The following ARHGEF4 variants were observed in gnomAD, a reference collection of about 807,000 sequenced individuals.
ARHGEF4 encodes Rho guanine nucleotide exchange factor 4.
ARHGEF4 carries 119 observed loss-of-function variants against 162.0 expected under a neutral mutation model. That is an observed-to-expected ratio of 0.73 (90% CI 0.63 to 0.86). The LOEUF (loss-of-function observed/expected upper bound fraction) is 0.86, where lower values mean the gene tolerates loss of function less well. ARHGEF4 is among the 40% of genes least tolerant of loss of function. The probability of loss-of-function intolerance (pLI) is 0.00; values close to 1 mark genes in which losing one functional copy is unlikely to be tolerated. For synonymous variants in ARHGEF4, 1,014 were observed against 979.9 expected, an observed-to-expected ratio of 1.03 and a Z score of -0.65; for missense variants, 2,488 against 2,456.0, an observed-to-expected ratio of 1.01 and a Z score of -0.28.
At position 130,917,066 on chromosome 2, in the gene ARHGEF4, GTACCT is replaced by G; in HGVS notation, c.3121_3125del (p.Tyr1041ThrfsTer39). The G allele has an allele frequency of 6.4e-7, 1 of 1,550,780 alleles. No individual in the cohort carries two copies. Among genetic ancestry groups the G allele is most frequent in the Non-Finnish European group, 8.7e-7 (1 of 1,147,046 alleles). On this transcript the variant is annotated frameshift_variant, in exon 2 of 14. Coordinates refer to ENST00000409359, the MANE Select transcript of ARHGEF4 (RefSeq NM_001367493.1). LOFTEE classifies it high-confidence loss of function. Reference sequence around the variant, plus strand: ...GCACAGCCACCCAGGAAGGCGGTAGGTACCTACCTTCAGGTATCTTTCCGGAAAAG... The same window carrying G: ...GCACAGCCACCCAGGAAGGCGGTAGGACCTTCAGGTATCTTTCCGGAAAAG...
intron 4 of ARHGEF4, among the ~76,000 whole-genome samples, chr2:130,994,157 T>TA (rs1687231291): frequency 6.6e-6 from 1 of 152,220 alleles, no homozygotes; most frequent in South Asian, 2.1e-4. Flanking sequence ...TAATCCAAGA[T>TA]AATAACCTTT....
At chr2:130,977,502 A>T (rs1685824094) in intron 4 of ARHGEF4, among the ~76,000 whole-genome samples, 1 of 150,572 alleles carries the variant, frequency 6.6e-6, no homozygotes, top group African/African-American at 2.5e-5. Flanking sequence ...TGGTTTTATG[A>T]TGTGTATGTA....
chr2:130,863,865 C>CA (rs1454837965), intron 1 of ARHGEF4, among the ~76,000 whole-genome samples: 1 of 95,720 alleles, frequency 1.0e-5, no homozygotes, highest in Non-Finnish European at 2.1e-5. Context: ...CTGGCATATC[C>CA]ATAGGGTGGA....
chr2:130,869,014 C>T (rs1411018250), intron 1 of ARHGEF4, among the ~76,000 whole-genome samples: 1 of 152,232 alleles, frequency 6.6e-6, no homozygotes, highest in African/African-American at 2.4e-5. Flanking sequence ...CCATCTCATG[C>T]ACTTCATTAC....
intron 1 of ARHGEF4, among the ~76,000 whole-genome samples, chr2:130,864,959 T>C (rs925860782): frequency 2.4e-4 from 36 of 152,218 alleles, no homozygotes; most frequent in African/African-American, 8.2e-4. Context: ...CATGGCTGTG[T>C]GTTCTGGGAG....
At chr2:130,925,388 C>T (rs959745215) in intron 2 of ARHGEF4, among the ~76,000 whole-genome samples, 2 of 152,068 alleles carry the variant, frequency 1.3e-5, no homozygotes, top group Admixed American at 6.6e-5. Flanking sequence ...ATAGTCTTTT[C>T]GAGAAACAAT....
rs895476998 is a variant in ARHGEF4 at position 130,982,218 on chromosome 2, C to T, written c.3985+35583C>T. Among the ~76,000 whole-genome samples the T allele has an allele frequency of 4.6e-5, 7 of 152,110 alleles. No individual in the cohort carries two copies. In the East Asian group the frequency reaches 1.4e-3, roughly 29 times the overall value. On this transcript the variant is annotated intron_variant, in intron 4 of 13. Transcript: ENST00000409359. ...TTCACCATGTTGGCCAGGCTAATCT[C>T]GAACTCCTGACCTCAGGTGCCTCAG...
intron 1 of ARHGEF4, among the ~76,000 whole-genome samples, chr2:130,891,945 G>T (rs1029684741): frequency 1.3e-5 from 2 of 152,120 alleles, no homozygotes; most frequent in Non-Finnish European, 2.9e-5. Context: ...TACAGAAACA[G>T]GTGGCAACTG....
chr2:130,867,997 C>G (rs1682416997), intron 1 of ARHGEF4, among the ~76,000 whole-genome samples: 1 of 144,760 alleles, frequency 6.9e-6, no homozygotes, highest in Non-Finnish European at 1.5e-5. Context: ...GCCATCTCGG[C>G]TCACTGCAAG....
At chr2:130,849,054 G>A (rs1681202015) in intron 1 of ARHGEF4, among the ~76,000 whole-genome samples, 1 of 152,102 alleles carries the variant, frequency 6.6e-6, no homozygotes, top group South Asian at 2.1e-4. Context: ...GGACTCCCCT[G>A]CTGCCCCCCT....
chr2:130,916,833 A>G lies in ARHGEF4; in HGVS notation c.2887A>G (p.Ser963Gly). ...RAFLKSKDAG[S>G]PKKPTLVSLP... ...GTTTCTGAAAAGCAAAGATGCCGGA[A>G]GCCCCAAAAAGCCCACCCTAGTGAG... The change falls in exon 2 of 14, where the codon AGC becomes GGC. Residue 963 changes from serine to glycine, a missense_variant. By Grantham distance (56) the Ser-to-Gly change is moderately conservative. Coordinates refer to ENST00000409359, the MANE Select transcript of ARHGEF4 (RefSeq NM_001367493.1). 4 of 1,550,428 alleles carry G rather than the reference A, an allele frequency of 2.6e-6. No homozygotes were observed. The highest frequency in any genetic ancestry group is 3.5e-6 in the Non-Finnish European group (4 of 1,146,996).
intron 2 of ARHGEF4, among the ~76,000 whole-genome samples, chr2:130,918,010 C>G (rs565695100): frequency 6.6e-6 from 1 of 151,882 alleles, no homozygotes; most frequent in Admixed American, 6.6e-5. Flanking sequence ...TTAGTAGAGA[C>G]GGGGTTTCAC....
Position 130,914,020 on chromosome 2 carries a change from G to A in ARHGEF4, c.74G>A (p.Gly25Asp), listed in dbSNP as rs1047378223. ...PEPGAHLPGEGEIEDNQLPTS... is the reference protein window; with the variant it reads ...PEPGAHLPGEDEIEDNQLPTS... ...CCAGGTGCACACCTGCCAGGTGAAG[G>A]TGAGATTGAAGATAACCAGCTCCCC... Residue 25 changes from glycine (G) to aspartate (D), a missense_variant, in exon 2 of 14, where the codon GGT (glycine) becomes GAT (aspartate). Physicochemically the swap from Gly to Asp is moderately conservative, Grantham distance 94 (BLOSUM62 -1). Around this residue, in one of 6 missense-constraint regions of ARHGEF4, gnomAD observed 171 missense variants for 169.4 expected, o/e 1.01. Transcript: ENST00000409359. 5.9e-6 allele frequency: 9 copies of A among 1,536,022 alleles called. No homozygotes were observed. The African/African-American group carries it at 1.1e-4, about 19-fold the overall frequency.
Position 130,915,012 on chromosome 2 carries a change from G to T in ARHGEF4, c.1066G>T (p.Val356Phe), listed in dbSNP as rs977662897. ...ECPEDPVGQN[V>F]VKSGTHVKEG... ...CCCCGAGGATCCCGTGGGACAGAAT[G>T]TTGTGAAGTCTGGGACCCATGTGAA... Residue 356 changes from valine to phenylalanine, a missense_variant, in exon 2 of 14, where the codon GTT becomes TTT. Coordinates refer to ENST00000409359, the MANE Select transcript of ARHGEF4 (RefSeq NM_001367493.1). 17 of 1,550,546 alleles carry T rather than the reference G, an allele frequency of 1.1e-5. No homozygotes were observed. The highest frequency in any genetic ancestry group is 1.5e-5 in the Non-Finnish European group (17 of 1,147,024).
intron 4 of ARHGEF4, among the ~76,000 whole-genome samples, chr2:131,001,757 G>A (rs1687784956): frequency 6.6e-6 from 1 of 152,230 alleles, no homozygotes; most frequent in East Asian, 1.9e-4. Flanking sequence ...ATACATGTAG[G>A]ACGATCATAT....
chr2:130,882,053 G>C (rs1381682163), intron 1 of ARHGEF4, among the ~76,000 whole-genome samples: 1 of 152,084 alleles, frequency 6.6e-6, no homozygotes, highest in African/African-American at 2.4e-5. Flanking sequence ...AAGCGAGCCT[G>C]GGCACTGACA....
rs181051756 is a variant in ARHGEF4, at chr2:131,010,529, C to T, written c.3986-17416C>T. Among the ~76,000 whole-genome samples the T allele has an allele frequency of 1.3e-4, 20 of 152,262 alleles. No homozygotes were observed. In the South Asian group the frequency reaches 2.3e-3, roughly 17 times the overall value. ...AGGGATATTTTTTTACATTCTCTGA[C>T]GTGAAATTAGGTTTTGGATGACGCT... On this transcript the variant is annotated intron_variant, in intron 4 of 13. Coordinates refer to ENST00000409359, the MANE Select transcript of ARHGEF4 (RefSeq NM_001367493.1).
chr2:130,895,182 C>T (rs1423250079), intron 1 of ARHGEF4, among the ~76,000 whole-genome samples: 3 of 152,200 alleles, frequency 2.0e-5, no homozygotes, highest in Admixed American at 6.5e-5. Context: ...TAAGATCGTG[C>T]AGTGTGTGGC....
At chr2:130,990,600 A>C (rs1203507507) in intron 4 of ARHGEF4, among the ~76,000 whole-genome samples, 2 of 152,134 alleles carry the variant, frequency 1.3e-5, no homozygotes, top group African/African-American at 4.8e-5. Context: ...AACTCGTAGG[A>C]ATCAAAGTGG....
Sources: allele counts gnomAD v4.1 joint callset (sites outside exome capture counted in the v4.1 genomes callset), GRCh38; gene constraint gnomAD v4.1.1; regional missense constraint gnomAD v4.1.1; transcripts MANE v1.5; gene names NCBI Gene and HGNC (gene_info 2026-07-23, HGNC 2026-07-21).